TNRC6B: variants seen among roughly 807,000 people sequenced by gnomAD.
The protein encoded by TNRC6B is trinucleotide repeat-containing gene 6B protein.
TNRC6B carries 52 observed loss-of-function variants against 203.6 expected under a neutral mutation model. That is an observed-to-expected ratio of 0.26 (90% CI 0.20 to 0.32). The LOEUF is 0.32. Ranked by LOEUF, TNRC6B falls within the 10% of genes least tolerant of loss-of-function variation. TNRC6B has a pLI of 1.00. For missense variants in TNRC6B, 1,923 were observed against 2,286.2 expected (o/e 0.84, Z 3.24); for synonymous variants, 838 against 845.7 (o/e 0.99, Z 0.16).
intron 1 of TNRC6B, among the ~76,000 whole-genome samples, chr22:40,234,299 A>G (rs1267173992): frequency 6.6e-6 from 1 of 152,052 alleles, no homozygotes; most frequent in Non-Finnish European, 1.5e-5. Context: ...ACAAACAAAA[A>G]CTTCACTAAG....
rs180833079 is a variant in TNRC6B at position 40,116,454 on chromosome 22, A to T, written c.-120-601A>T. On this transcript the variant is annotated intron_variant, in intron 1 of 23. Transcript: ENST00000301923. ...AGAGAGATTCCATCATGGAATAAAT[A>T]AAATATTTACTGCATTTACTAGCAA... is the stretch of plus-strand genomic sequence containing the variant. Among the ~76,000 whole-genome samples, 3 of 152,370 alleles carry T rather than the reference A, an allele frequency of 2.0e-5. No individual in the cohort carries two copies. The East Asian group carries it at 5.8e-4, about 29-fold the overall frequency.
At chr22:40,045,409 T>G (rs2067679239) in intron 1 of TNRC6B, 1 of 147,590 alleles carries the variant, frequency 6.8e-6, no homozygotes, top group African/African-American at 2.5e-5. Flanking sequence ...GGCTTCCGGG[T>G]GGGCTGGCCC....
chr22:40,265,908 A>G lies in TNRC6B; in HGVS notation c.1678A>G (p.Arg560Gly), dbSNP rs1310121495. The G allele has an allele frequency of 6.2e-7, 1 of 1,614,072 alleles. No homozygotes were observed. Among genetic ancestry groups the G allele is most frequent in the Non-Finnish European group, 8.5e-7 (1 of 1,179,904 alleles). The change falls in exon 5 of 23, where the codon AGA (arginine) becomes GGA (glycine). Residue 560 changes from arginine to glycine, a missense_variant. By Grantham distance (125) the Arg-to-Gly change is moderately radical (BLOSUM62 -2). This residue lies in a region of TNRC6B where 614 missense variants were observed against 587.7 expected (regional missense o/e 1.04). Transcript: ENST00000454349. ...CAATGCCCAGGCTCCCTGTTGGGGA[A>G]GATCTTCCAGCTCCACAGGAAGTGA... The part of the protein sequence containing the change: ...QGNAQAPCWG[R>G]SSSSTGSEVG...
intron 1 of TNRC6B, among the ~76,000 whole-genome samples, chr22:40,186,742 A>G (rs1287289824): frequency 6.6e-6 from 1 of 151,918 alleles, no homozygotes; most frequent in Non-Finnish European, 1.5e-5. Flanking sequence ...CATCTCAAAA[A>G]AAAAAAAAAG....
chr22:40,332,666 CAAA>C lies in TNRC6B; in HGVS notation c.*9431_*9433del, dbSNP rs556852730. 6.6e-6 allele frequency: 1 copy of C among 151,420 alleles called. No individual in the cohort carries two copies. The highest frequency in any genetic ancestry group is 1.5e-5 in the Non-Finnish European group (1 of 67,742). The allele number at this position is 151,420 out of a possible 1,614,324, so 9.4% of individuals were successfully genotyped here. Reference sequence around the variant, plus strand: ...TCCAATCTGTTAGATTGCCTTTAAACAAAAAAAACAACAAAAAAATAAAATCCT... The same window carrying C: ...TCCAATCTGTTAGATTGCCTTTAAACAAAAACAACAAAAAAATAAAATCCT... On this transcript the variant is annotated 3_prime_UTR_variant, in exon 23 of 23. Transcript: ENST00000454349.
intron 3 of TNRC6B, among the ~76,000 whole-genome samples, chr22:40,152,454 G>A (rs560689709): frequency 1.3e-5 from 2 of 152,176 alleles, no homozygotes; most frequent in African/African-American, 4.8e-5. Context: ...AGCCTCCTGC[G>A]TAGCTTGGAC....
chr22:40,197,877 G>A (rs988339417), intron 1 of TNRC6B, among the ~76,000 whole-genome samples: 2 of 151,924 alleles, frequency 1.3e-5, no homozygotes, highest in African/African-American at 4.8e-5. Flanking sequence ...CTCCCAAAGC[G>A]CTGGGATTAC....
intron 1 of TNRC6B, among the ~76,000 whole-genome samples, chr22:40,202,003 T>C (rs2069418703): frequency 6.6e-6 from 1 of 152,142 alleles, no homozygotes; most frequent in South Asian, 2.1e-4. Flanking sequence ...TAGGCGAGCT[T>C]TGCTCAGGTT....
Position 40,301,306 on chromosome 22 carries a change from A to G in TNRC6B, c.4093A>G (p.Lys1365Glu). The change falls in exon 15 of 23, where the codon AAA becomes GAA. Residue 1365 changes from lysine (K) to glutamate (E), a missense_variant. This residue lies in a region of TNRC6B where 242 missense variants were observed against 399.5 expected (regional missense o/e 0.61). Coordinates refer to ENST00000454349, the MANE Select transcript of TNRC6B (RefSeq NM_001162501.2). ...TGTGGGGCTCCCAGACCTTCAAACC[A>G]AAGGGCCAATACCTGGATATGGTTC... ...LNVGLPDLQTKGPIPGYGSGF... is the reference protein window; with the variant it reads ...LNVGLPDLQTEGPIPGYGSGF... The G allele has an allele frequency of 6.2e-7, 1 of 1,606,366 alleles. No homozygotes were observed.
intron 1 of TNRC6B, among the ~76,000 whole-genome samples, chr22:40,203,483 T>C (rs1365317305): frequency 6.6e-6 from 1 of 152,100 alleles, no homozygotes; most frequent in African/African-American, 2.4e-5. Flanking sequence ...ATTTGGGTGC[T>C]ATTTGGGTGG....
intron 3 of TNRC6B, among the ~76,000 whole-genome samples, chr22:40,142,081 CAGAAGTCTAACT>C (rs2068649251): frequency 6.7e-6 from 1 of 148,418 alleles, no homozygotes; most frequent in Non-Finnish European, 1.5e-5. Flanking sequence ...GTTTTTGAAG[CAGAAGTCTAACT>C]CTGTCACCCA....
chr22:40,314,913 T>C (rs2071236587), intron 19 of TNRC6B, among the ~76,000 whole-genome samples: 1 of 152,202 alleles, frequency 6.6e-6, no homozygotes, highest in Admixed American at 6.5e-5. Flanking sequence ...TATAGAATAC[T>C]TTATTCTGCT....
intron 2 of TNRC6B, among the ~76,000 whole-genome samples, chr22:40,250,883 A>G (rs1317765193): frequency 6.6e-6 from 1 of 150,972 alleles, no homozygotes; most frequent in East Asian, 1.9e-4. Flanking sequence ...ATAGCATTCA[A>G]AATGCAAGTA....
chr22:40,314,544 A>G (rs935818208), intron 19 of TNRC6B, among the ~76,000 whole-genome samples: 1 of 152,224 alleles, frequency 6.6e-6, no homozygotes, highest in Admixed American at 6.5e-5. Context: ...TGGTTTACAC[A>G]TTCCTGTTTC....
intron 3 of TNRC6B, among the ~76,000 whole-genome samples, chr22:40,141,204 C>CTTTT (rs757105010): frequency 5.0e-4 from 38 of 75,698 alleles, no homozygotes; most frequent in South Asian, 1.5e-3. Context: ...AAATTCTGTC[C>CTTTT]TTTTTTTTTT....
At chr22:40,312,166 T>C (rs1399223317) in intron 17 of TNRC6B, among the ~76,000 whole-genome samples, 1 of 152,218 alleles carries the variant, frequency 6.6e-6, no homozygotes, top group African/African-American at 2.4e-5. Flanking sequence ...TTGGCCTAGA[T>C]GCTGGGATGA....
chr22:40,090,517 A>G (rs893745522), intron 1 of TNRC6B, among the ~76,000 whole-genome samples: 4 of 151,622 alleles, frequency 2.6e-5, no homozygotes, highest in Non-Finnish European at 5.9e-5. Context: ...CAGGTCTTTT[A>G]CCATTTTTAA....
intron 16 of TNRC6B, 23 bp from the exon 17 acceptor site, chr22:40,310,794 T>G: frequency 1.3e-6 from 2 of 1,597,298 alleles, no homozygotes; most frequent in Non-Finnish European, 1.7e-6. Flanking sequence ...TTCTGGATGA[T>G]TTAATTTCCT....
chr22:40,131,404 GAT>G (rs2068544023), intron 3 of TNRC6B, among the ~76,000 whole-genome samples: 1 of 114,266 alleles, frequency 8.8e-6, no homozygotes, highest in Non-Finnish European at 1.7e-5. Context: ...TGAGTTTAGG[GAT>G]TTTTTTTTTT....
Sources: allele counts gnomAD v4.1 joint callset (sites outside exome capture counted in the v4.1 genomes callset), GRCh38; gene constraint gnomAD v4.1.1; regional missense constraint gnomAD v4.1.1; transcripts MANE v1.5; gene names NCBI Gene and HGNC (gene_info 2026-07-23, HGNC 2026-07-21).